LRMDA: variants seen among roughly 807,000 people sequenced by gnomAD.
LRMDA encodes the protein leucine-rich melanocyte differentiation-associated protein.
In LRMDA, 18 loss-of-function variants were observed where a neutral mutation model predicts 29.8. That is an observed-to-expected ratio of 0.60 (90% CI 0.42 to 0.90). The LOEUF is 0.90. LRMDA is among the 40% of genes least tolerant of loss of function. LRMDA has a pLI of 0.00. For synonymous variants in LRMDA, 125 were observed against 109.4 expected (o/e 1.14, Z -0.89); for missense variants, 273 against 273.9 (o/e 1.00, Z 0.02).
At chr10:76,343,670 G>T (rs904928806) in intron 6 of LRMDA, among the ~76,000 whole-genome samples, 7 of 152,062 alleles carry the variant, frequency 4.6e-5, no homozygotes, top group Non-Finnish European at 8.8e-5. Context: ...GCGTTCCTGT[G>T]AAAGTAAGGA....
rs1237326939 is a variant in LRMDA, at chr10:75,676,002, G to A, written c.131+237508G>A. On this transcript the variant is annotated intron_variant, in intron 2 of 6. Coordinates refer to ENST00000611255, the MANE Select transcript of LRMDA (RefSeq NM_001305581.2). ...AGATGGAAGGTTTTAAGATCTTCTG[G>A]GTGTTCAGTGATATAAGATCTTGTA... Among the ~76,000 whole-genome samples the A allele has an allele frequency of 5.9e-5, 9 of 152,228 alleles. No homozygotes were observed. The East Asian group carries it at 1.7e-3, about 29-fold the overall frequency.
chr10:76,376,461 A>G (rs1013705038), intron 6 of LRMDA, among the ~76,000 whole-genome samples: 8 of 152,172 alleles, frequency 5.3e-5, no homozygotes, highest in Admixed American at 2.0e-4. Flanking sequence ...TTCTTTATCC[A>G]GTCATCTGTG....
chr10:75,730,612 A>G (rs2132197993), intron 2 of LRMDA, among the ~76,000 whole-genome samples: 1 of 152,198 alleles, frequency 6.6e-6, no homozygotes, highest in Non-Finnish European at 1.5e-5. Flanking sequence ...CTGTCACTCC[A>G]TCATTGAAGG....
intron 5 of LRMDA, among the ~76,000 whole-genome samples, chr10:76,222,326 A>C (rs892724379): frequency 1.3e-5 from 2 of 152,232 alleles, no homozygotes; most frequent in Non-Finnish European, 2.9e-5. Context: ...ATCAGAGTGA[A>C]CAGGCAACCT....
intron 6 of LRMDA, among the ~76,000 whole-genome samples, chr10:76,544,724 A>G (rs980554261): frequency 7.3e-6 from 1 of 137,872 alleles, no homozygotes; most frequent in African/African-American, 3.1e-5. Context: ...ACACACACAC[A>G]CACACACACA....
intron 5 of LRMDA, among the ~76,000 whole-genome samples, chr10:76,240,223 T>TACGCAC (rs1237646145): frequency 1.3e-5 from 2 of 149,500 alleles, no homozygotes; most frequent in Non-Finnish European, 3.0e-5. Flanking sequence ...CACACACACA[T>TACGCAC]ACGCACACCA....
chr10:75,433,029 T>C (rs1349174379), intron 1 of LRMDA, among the ~76,000 whole-genome samples: 2 of 152,112 alleles, frequency 1.3e-5, no homozygotes, highest in Admixed American at 6.5e-5. Context: ...CAGAAGTGAG[T>C]TAACAGCCTG....
At chr10:76,003,064 G>T (rs972597698) in intron 2 of LRMDA, among the ~76,000 whole-genome samples, 7 of 152,256 alleles carry the variant, frequency 4.6e-5, no homozygotes, top group Admixed American at 4.6e-4. Flanking sequence ...GTGGGGCGTT[G>T]GTATTTATGT....
At chr10:76,056,792 A>G (rs1848622797) in intron 4 of LRMDA, among the ~76,000 whole-genome samples, 1 of 151,902 alleles carries the variant, frequency 6.6e-6, no homozygotes, top group South Asian at 2.1e-4. Flanking sequence ...AGCCCCCAAG[A>G]GCACAGGGAT....
intron 2 of LRMDA, among the ~76,000 whole-genome samples, chr10:75,928,171 G>A (rs1245671925): frequency 6.6e-6 from 1 of 152,112 alleles, no homozygotes; most frequent in African/African-American, 2.4e-5. Flanking sequence ...TGGGGTGGGG[G>A]GTGAATTCAC....
At chr10:76,345,315 G>A (rs1049550645) in intron 6 of LRMDA, among the ~76,000 whole-genome samples, 14 of 149,630 alleles carry the variant, frequency 9.4e-5, no homozygotes, top group Admixed American at 4.6e-4. Flanking sequence ...CTCGTGATCC[G>A]CCCGCCTCGG....
intron 5 of LRMDA, among the ~76,000 whole-genome samples, chr10:76,087,957 A>G (rs1849163543): frequency 6.6e-6 from 1 of 152,108 alleles, no homozygotes; most frequent in Non-Finnish European, 1.5e-5. Flanking sequence ...CTGTCTCTAC[A>G]AAACAAACAA....
intron 2 of LRMDA, among the ~76,000 whole-genome samples, chr10:75,789,767 C>A (rs984190786): frequency 1.3e-5 from 2 of 152,138 alleles, no homozygotes; most frequent in African/African-American, 4.8e-5. Flanking sequence ...GTCCCCAAGG[C>A]CCATTCTTTG....
At chr10:75,694,438 T>C (rs1415316473) in intron 2 of LRMDA, among the ~76,000 whole-genome samples, 3 of 152,164 alleles carry the variant, frequency 2.0e-5, no homozygotes, top group Non-Finnish European at 4.4e-5. Flanking sequence ...GAGTCCTTTT[T>C]TGCATGAAAT....
At chr10:75,608,816 C>A (rs1471947644) in intron 2 of LRMDA, among the ~76,000 whole-genome samples, 1 of 152,160 alleles carries the variant, frequency 6.6e-6, no homozygotes, top group African/African-American at 2.4e-5. Flanking sequence ...ACACCAGGGT[C>A]TAGCTCCTCT....
chr10:76,432,139 C>A (rs1842197262), intron 6 of LRMDA, among the ~76,000 whole-genome samples: 1 of 152,150 alleles, frequency 6.6e-6, no homozygotes, highest in Non-Finnish European at 1.5e-5. Context: ...TATCTCCAAA[C>A]TTTCCCTTGA....
intron 5 of LRMDA, among the ~76,000 whole-genome samples, chr10:76,284,306 G>T (rs1840243347): frequency 6.6e-6 from 1 of 152,122 alleles, no homozygotes; most frequent in Admixed American, 6.6e-5. Context: ...GTCAGAGTCA[G>T]GGGAGAAGGA....
At chr10:75,495,548 G>A (rs1205854608) in intron 2 of LRMDA, among the ~76,000 whole-genome samples, 1 of 152,182 alleles carries the variant, frequency 6.6e-6, no homozygotes, top group African/African-American at 2.4e-5. Flanking sequence ...AAGCCTCTGA[G>A]CTTTTTGCCC....
intron 2 of LRMDA, among the ~76,000 whole-genome samples, chr10:75,895,320 C>T (rs1014355388): frequency 4.6e-5 from 7 of 152,108 alleles, no homozygotes; most frequent in African/African-American, 1.7e-4. Context: ...CCTAAAACAC[C>T]ACAAACAACA....
Sources: allele counts gnomAD v4.1 joint callset (sites outside exome capture counted in the v4.1 genomes callset), GRCh38; gene constraint gnomAD v4.1.1; transcripts MANE v1.5; gene names NCBI Gene and HGNC (gene_info 2026-07-23, HGNC 2026-07-21).